BABAM2: variants seen among roughly 807,000 people sequenced by gnomAD.
BABAM2 encodes the protein BRISC and BRCA1-A complex member 2.
A neutral mutation model predicts 54.7 loss-of-function variants in BABAM2; 31 were observed. The ratio of observed to expected loss-of-function variants is 0.57; its 90% CI spans 0.43 to 0.77. BABAM2 has a LOEUF of 0.77. Ranked by LOEUF, BABAM2 falls within the 30% of genes least tolerant of loss-of-function variation. The pLI, the probability that BABAM2 is intolerant of heterozygous loss-of-function variation, is 0.00. For missense variants in BABAM2, 364 were observed against 455.8 expected (o/e 0.80, Z 1.83); for synonymous variants, 167 against 162.9 (o/e 1.03, Z -0.19).
intron 2 of BABAM2, among the ~76,000 whole-genome samples, chr2:27,908,366 G>C (rs10201105): frequency 0.74 from 111,985 of 151,606 alleles, 42,380 homozygotes; most frequent in Middle Eastern, 0.88. Flanking sequence ...CAACCTCCTG[G>C]GCTCAAGCAA....
chr2:28,154,985 A>G lies in BABAM2; in HGVS notation c.680+25605A>G, dbSNP rs544902290. The stretch of plus-strand genomic sequence containing the variant: ...ATTCCTACCTTTTAAATTTTATTCC[A>G]TTTGCTTTATCTGTATTCTTCCTGT... On this transcript the variant is annotated intron_variant, in intron 7 of 11. Coordinates refer to ENST00000379624, the MANE Select transcript of BABAM2 (RefSeq NM_199191.3). Among the ~76,000 whole-genome samples, 16 of 152,124 alleles carry G rather than the reference A, an allele frequency of 1.1e-4. No individual in the cohort carries two copies. In the South Asian group the frequency reaches 3.1e-3, roughly 30 times the overall value.
chr2:27,989,080 G>A (rs1182881011), intron 4 of BABAM2, among the ~76,000 whole-genome samples: 1 of 152,000 alleles, frequency 6.6e-6, no homozygotes, highest in African/African-American at 2.4e-5. Context: ...TCGTGGTGAA[G>A]TTTCTAATAA....
chr2:28,040,184 A>T (rs1158467156), intron 5 of BABAM2, among the ~76,000 whole-genome samples: 1 of 151,968 alleles, frequency 6.6e-6, no homozygotes, highest in Non-Finnish European at 1.5e-5. Flanking sequence ...ACAGTTTATA[A>T]CTTAATTTTA....
intron 5 of BABAM2, among the ~76,000 whole-genome samples, chr2:28,025,955 C>T (rs982342901): frequency 3.3e-5 from 5 of 152,000 alleles, no homozygotes; most frequent in African/African-American, 1.2e-4. Context: ...CTTTTTTTCT[C>T]TCATGGTAAA....
At chr2:27,891,178 G>C (rs893390741) in intron 1 of BABAM2, 1 of 152,178 alleles carries the variant, frequency 6.6e-6, no homozygotes, top group Non-Finnish European at 1.5e-5. Context: ...GTCATTCTTC[G>C]GGTCTGAGCT....
chr2:28,127,319 T>C (rs547401122), intron 6 of BABAM2, among the ~76,000 whole-genome samples: 1 of 152,330 alleles, frequency 6.6e-6, no homozygotes, highest in East Asian at 1.9e-4. Flanking sequence ...TGTCAAATAC[T>C]GTTTAGACAT....
chr2:28,282,974 G>T lies in BABAM2; in HGVS notation c.935-15364G>T, dbSNP rs1012037900. ...GATCACACCACTACATTCCAGCCCA[G>T]GCAGCAGAGCGAGACTCCGTCCCAA... On this transcript the variant is annotated intron_variant, in intron 10 of 11. Transcript: ENST00000379624. 4.2e-4 allele frequency among the ~76,000 whole-genome samples: 57 copies of T among 134,238 alleles called. 1 individual carries two copies. The highest frequency in any genetic ancestry group is 9.2e-5 in the Non-Finnish European group (6 of 65,454). 88.1% of individuals were successfully genotyped at this position (134,238 alleles called of 152,430 possible). A position where few individuals can be genotyped will look rare whatever the true frequency, so the allele number is the denominator to read the frequency against.
At chr2:28,186,165 A>C (rs1676258635) in intron 7 of BABAM2, among the ~76,000 whole-genome samples, 1 of 152,226 alleles carries the variant, frequency 6.6e-6, no homozygotes. Context: ...CCATATTTTC[A>C]GGGCAAACTG....
chr2:27,914,846 G>C (rs571325262), intron 2 of BABAM2, among the ~76,000 whole-genome samples: 2 of 150,776 alleles, frequency 1.3e-5, no homozygotes, highest in South Asian at 4.3e-4. Flanking sequence ...TATCTCTACT[G>C]ATGGTGATAT....
At chr2:28,072,982 C>T (rs926634771) in intron 6 of BABAM2, among the ~76,000 whole-genome samples, 1 of 152,174 alleles carries the variant, frequency 6.6e-6, no homozygotes, top group African/African-American at 2.4e-5. Flanking sequence ...TTTAAATTAA[C>T]TGGTAAATAC....
chr2:27,900,901 G>A (rs1390330214), intron 2 of BABAM2, among the ~76,000 whole-genome samples: 2 of 151,920 alleles, frequency 1.3e-5, no homozygotes, highest in Non-Finnish European at 2.9e-5. Context: ...AAATTAGCCG[G>A]GCATGGTAGC....
intron 7 of BABAM2, among the ~76,000 whole-genome samples, chr2:28,222,326 T>C (rs1014845906): frequency 6.6e-6 from 1 of 152,192 alleles, no homozygotes. Context: ...TCTCCTCATG[T>C]CGGGGTCCTT....
intron 6 of BABAM2, among the ~76,000 whole-genome samples, chr2:28,096,922 A>G (rs1388553493): frequency 6.6e-6 from 1 of 152,220 alleles, no homozygotes; most frequent in Non-Finnish European, 1.5e-5. Context: ...TTCAGGAAAG[A>G]TTAGACCAAC....
intron 6 of BABAM2, among the ~76,000 whole-genome samples, chr2:28,085,373 T>C (rs1665547165): frequency 1.3e-5 from 2 of 152,224 alleles, no homozygotes; most frequent in Non-Finnish European, 2.9e-5. Flanking sequence ...TATAAATGTA[T>C]TCTGCAGGAA....
chr2:28,138,568 C>G (rs1451285224), intron 7 of BABAM2, among the ~76,000 whole-genome samples: 1 of 152,116 alleles, frequency 6.6e-6, no homozygotes, highest in Non-Finnish European at 1.5e-5. Flanking sequence ...TTAATGTCTT[C>G]TATATTGTCT....
chr2:28,244,697 AT>A (rs1682756124), intron 9 of BABAM2, 82 bp from the exon 10 acceptor site: 1 of 1,292,116 alleles, frequency 7.7e-7, no homozygotes, highest in African/African-American at 1.5e-5. Context: ...TCACGAATAT[AT>A]TCTTTACTTG....
chr2:28,029,836 A>C (rs1315186523), intron 5 of BABAM2, among the ~76,000 whole-genome samples: 1 of 152,200 alleles, frequency 6.6e-6, no homozygotes, highest in African/African-American at 2.4e-5. Context: ...GTTCAGACTT[A>C]AACTATGGAT....
intron 3 of BABAM2, among the ~76,000 whole-genome samples, chr2:27,955,221 A>G (rs747716671): frequency 1.3e-5 from 2 of 152,208 alleles, no homozygotes; most frequent in Non-Finnish European, 2.9e-5. Flanking sequence ...GGTTTGCACT[A>G]CATCCTCTTT....
chr2:28,261,239 G>C (rs960035067), intron 10 of BABAM2, among the ~76,000 whole-genome samples: 9 of 151,772 alleles, frequency 5.9e-5, no homozygotes, highest in African/African-American at 2.2e-4. Context: ...ACTGCACCCA[G>C]ACTAAAAATT....
Sources: gnomAD v4.1 joint callset for allele counts (sites outside exome capture counted in the v4.1 genomes callset) on GRCh38, gnomAD v4.1.1 for gene constraint, MANE v1.5 for transcripts, NCBI Gene and HGNC (gene_info 2026-07-23, HGNC 2026-07-21) for gene names.